RAPGEF6: variants seen among roughly 807,000 people sequenced by gnomAD.
The protein encoded by RAPGEF6 is PDZ domain containing guanine nucleotide exchange factor (GEF) 2.
In RAPGEF6, 56 loss-of-function variants were observed where a neutral mutation model predicts 171.4. That is an observed-to-expected ratio of 0.33 (90% CI 0.26 to 0.41). The LOEUF is 0.41. RAPGEF6 is among the 10% of genes least tolerant of loss of function. The pLI is 1.00. For synonymous variants in RAPGEF6, 692 were observed against 650.1 expected, an observed-to-expected ratio of 1.06 and a Z score of -0.98; for missense variants, 1,674 against 1,921.4, an observed-to-expected ratio of 0.87 and a Z score of 2.41.
chr5:131,587,593 T>A (rs73264120), intron 4 of RAPGEF6, among the ~76,000 whole-genome samples: 2,497 of 152,304 alleles, frequency 0.016, 55 homozygotes, highest in African/African-American at 0.053. Flanking sequence ...TAGAGAGTTG[T>A]TGGAACTCAG....
At chr5:131,594,750 A>G (rs1055466455) in intron 3 of RAPGEF6, among the ~76,000 whole-genome samples, 15 of 152,200 alleles carry the variant, frequency 9.9e-5, no homozygotes, top group African/African-American at 3.6e-4. Flanking sequence ...GATGTGAGAC[A>G]TGGAGTCAAC....
intron 5 of RAPGEF6, among the ~76,000 whole-genome samples, chr5:131,555,734 A>G (rs1485030935): frequency 7.1e-6 from 1 of 139,980 alleles, no homozygotes; most frequent in East Asian, 2.0e-4. Flanking sequence ...ATATATGTAT[A>G]GATTTATGTA....
intron 17 of RAPGEF6, chr5:131,469,836 G>C (rs976126711): frequency 6.6e-7 from 1 of 1,517,268 alleles, no homozygotes; most frequent in African/African-American, 1.4e-5. Flanking sequence ...CAAAAATAAA[G>C]CAAAATCAAA....
intron 15 of RAPGEF6, among the ~76,000 whole-genome samples, chr5:131,485,894 G>T (rs1238829928): frequency 6.6e-6 from 1 of 152,170 alleles, no homozygotes; most frequent in Non-Finnish European, 1.5e-5. Context: ...GTTTCTGTTG[G>T]TTCTGGCTCA....
At chr5:131,535,041 A>G (rs1369701999) in intron 6 of RAPGEF6, among the ~76,000 whole-genome samples, 1 of 152,146 alleles carries the variant, frequency 6.6e-6, no homozygotes, top group African/African-American at 2.4e-5. Flanking sequence ...TGAGAAATGC[A>G]ATCCACTAGT....
At chr5:131,507,122 A>T (rs958779026) in intron 9 of RAPGEF6, among the ~76,000 whole-genome samples, 4 of 148,402 alleles carry the variant, frequency 2.7e-5, no homozygotes, top group Admixed American at 6.7e-5. Context: ...TTATCACTGG[A>T]TGTTTTGGTT....
chr5:131,576,349 T>G (rs1467590386), intron 4 of RAPGEF6, among the ~76,000 whole-genome samples: 1 of 152,208 alleles, frequency 6.6e-6, no homozygotes, highest in Non-Finnish European at 1.5e-5. Flanking sequence ...CCAAACTTAT[T>G]GCTTTAACCC....
intron 6 of RAPGEF6, among the ~76,000 whole-genome samples, chr5:131,522,773 G>A (rs1406084965): frequency 6.6e-6 from 1 of 152,172 alleles, no homozygotes; most frequent in Non-Finnish European, 1.5e-5. Context: ...GACAGCCACT[G>A]GCTAAAGGGA....
rs368744217 is a variant in RAPGEF6, at chr5:131,510,789, T to C, written c.628-298A>G. On this transcript the variant is annotated intron_variant, in intron 7 of 27. Transcript: ENST00000509018. ...TTAATATCTGTTTTCCACCCAACACTTGTATTTCCTAAAAGTACTAAGTTT... is the reference window on the plus strand; with the variant it reads ...TTAATATCTGTTTTCCACCCAACACCTGTATTTCCTAAAAGTACTAAGTTT... Among the ~76,000 whole-genome samples, 109 of 152,278 alleles carry C rather than the reference T, an allele frequency of 7.2e-4. 1 individual carries two copies. The South Asian group carries it at 0.01, about 14-fold the overall frequency.
chr5:131,625,373 G>C (rs933246557), intron 1 of RAPGEF6, among the ~76,000 whole-genome samples: 2 of 152,174 alleles, frequency 1.3e-5, no homozygotes, highest in Non-Finnish European at 2.9e-5. Context: ...AAGTCTGGGG[G>C]AGGAGGAGAA....
At chr5:131,468,054 G>A (rs866125157) in intron 17 of RAPGEF6, among the ~76,000 whole-genome samples, 7 of 151,406 alleles carry the variant, frequency 4.6e-5, no homozygotes, top group Non-Finnish European at 8.8e-5. Context: ...GGGGTCGGGC[G>A]CAGTGGCTTA....
At chr5:131,622,566 T>TAAC (rs1765655807) in intron 1 of RAPGEF6, among the ~76,000 whole-genome samples, 1 of 152,244 alleles carries the variant, frequency 6.6e-6, no homozygotes, top group African/African-American at 2.4e-5. Flanking sequence ...CAAACATGTG[T>TAAC]TGCTTATGCC....
At chr5:131,504,923 G>T in intron 10 of RAPGEF6, 145 bp from the exon 11 acceptor site, 1 of 838,110 alleles carries the variant, frequency 1.2e-6, no homozygotes, top group Non-Finnish European at 1.7e-6. Context: ...AAAAATCAAG[G>T]TGAAACAATT....
intron 1 of RAPGEF6, among the ~76,000 whole-genome samples, chr5:131,615,591 G>A (rs1326883540): frequency 6.6e-6 from 1 of 152,162 alleles, no homozygotes; most frequent in African/African-American, 2.4e-5. Flanking sequence ...CTTGAAAGCT[G>A]CTCTATGTAG....
At chr5:131,456,378 C>T (rs1044781738) in intron 19 of RAPGEF6, among the ~76,000 whole-genome samples, 1 of 152,112 alleles carries the variant, frequency 6.6e-6, no homozygotes, top group Non-Finnish European at 1.5e-5. Context: ...TATTTTAAAG[C>T]GGTTTAAGTA....
intron 4 of RAPGEF6, among the ~76,000 whole-genome samples, chr5:131,570,233 C>T (rs1394027844): frequency 6.6e-6 from 1 of 151,976 alleles, no homozygotes; most frequent in African/African-American, 2.4e-5. Flanking sequence ...CTAGTAAGCA[C>T]ATAAAAAGAC....
intron 6 of RAPGEF6, among the ~76,000 whole-genome samples, chr5:131,533,848 G>A (rs1759571798): frequency 1.3e-5 from 2 of 151,792 alleles, no homozygotes; most frequent in Non-Finnish European, 1.5e-5. Context: ...GAGTGAGTGT[G>A]GACTAAAAAA....
At chr5:131,608,452 T>A (rs1018132428) in intron 1 of RAPGEF6, among the ~76,000 whole-genome samples, 3 of 152,132 alleles carry the variant, frequency 2.0e-5, no homozygotes, top group African/African-American at 7.2e-5. Context: ...TATGTTGAAG[T>A]CACATTCAGG....
intron 1 of RAPGEF6, among the ~76,000 whole-genome samples, chr5:131,622,396 A>T (rs1765644507): frequency 6.6e-6 from 1 of 152,250 alleles, no homozygotes; most frequent in Non-Finnish European, 1.5e-5. Context: ...ACTGACTGTG[A>T]ACTCTATAAC....
Sources: gnomAD v4.1 joint callset for allele counts (sites outside exome capture counted in the v4.1 genomes callset) on GRCh38, gnomAD v4.1.1 for gene constraint, MANE v1.5 for transcripts, NCBI Gene and HGNC (gene_info 2026-07-23, HGNC 2026-07-21) for gene names.